FGF2: variants seen among roughly 807,000 people sequenced by gnomAD.
FGF2 encodes fibroblast growth factor 2.
Under a neutral mutation model 15.9 loss-of-function variants are expected in FGF2, and 13 were observed. The ratio of observed to expected loss-of-function variants is 0.82; its 90% confidence interval spans 0.53 to 1.30. FGF2 has a LOEUF of 1.30. Ranked by LOEUF, FGF2 falls within the 50% of genes most tolerant of loss-of-function variation. The probability of loss-of-function intolerance (pLI) is 0.00; values close to 1 mark genes in which losing one functional copy is unlikely to be tolerated. For missense variants in FGF2, 163 were observed against 196.9 expected (o/e 0.83, Z 1.03); for synonymous variants, 90 against 78.4 (o/e 1.15, Z -0.78).
chr4:122,867,387 A>G (rs72672994), intron 1 of FGF2, among the ~76,000 whole-genome samples: 3,265 of 152,364 alleles, frequency 0.021, 59 homozygotes, highest in Non-Finnish European at 0.035. Flanking sequence ...ACTTAGTATT[A>G]TGGTGTCTTT....
chr4:122,856,988 G>A (rs937133838), intron 1 of FGF2, among the ~76,000 whole-genome samples: 3 of 152,212 alleles, frequency 2.0e-5, no homozygotes, highest in African/African-American at 4.8e-5. Flanking sequence ...GGGTTGATGC[G>A]TTTTGTAGGT....
At chr4:122,853,771 C>T (rs1473944659) in intron 1 of FGF2, among the ~76,000 whole-genome samples, 2 of 152,158 alleles carry the variant, frequency 1.3e-5, no homozygotes, top group African/African-American at 4.8e-5. Context: ...ATGAGTGCTT[C>T]ATAAATGCTT....
At chr4:122,832,226 A>C (rs866561486) in intron 1 of FGF2, among the ~76,000 whole-genome samples, 1 of 152,178 alleles carries the variant, frequency 6.6e-6, no homozygotes, top group South Asian at 2.1e-4. Context: ...AAACGGAGCA[A>C]GGCAAATCTG....
chr4:122,840,066 TG>T (rs1276902347), intron 1 of FGF2, among the ~76,000 whole-genome samples: 3 of 152,132 alleles, frequency 2.0e-5, no homozygotes, highest in Non-Finnish European at 4.4e-5. Context: ...TCAGATTGGA[TG>T]GGGGCTCACC....
intron 1 of FGF2, among the ~76,000 whole-genome samples, chr4:122,844,626 CCTTTCTTCCTTT>C (rs1726071172): frequency 8.5e-6 from 1 of 117,944 alleles, no homozygotes; most frequent in Non-Finnish European, 1.8e-5. Flanking sequence ...TTTCTTTCTT[CCTTTCTTCCTTT>C]CTTTCTTTCT....
In FGF2 at chr4:122,892,879, G is replaced by A; in HGVS notation, c.*483G>A. ...AATTCTCTGGCAGTTCCTTATGATA[G>A]AGTTTATAAAACAGTCCTGTGTAAA... is the stretch of plus-strand genomic sequence containing the variant. On this transcript the variant is annotated 3_prime_UTR_variant, in exon 3 of 3. Transcript: ENST00000644866. 6.2e-7 allele frequency: 1 copy of A among 1,611,646 alleles called. No homozygotes were observed. The highest frequency in any genetic ancestry group is 1.1e-5 in the South Asian group (1 of 90,578).
Position 122,892,858 on chromosome 4 carries a change from C to T in FGF2, c.*462C>T. On this transcript the variant is annotated 3_prime_UTR_variant, in exon 3 of 3. Transcript: ENST00000644866. ...CAATTCCTTTCATAGTTTTATAATT[C>T]TCTGGCAGTTCCTTATGATAGAGTT... 6.2e-7 allele frequency: 1 copy of T among 1,607,450 alleles called. No individual in the cohort carries two copies. Among genetic ancestry groups the T allele is most frequent in the East Asian group, 2.2e-5 (1 of 44,868 alleles).
At chr4:122,835,155 T>C (rs1725838096) in intron 1 of FGF2, among the ~76,000 whole-genome samples, 1 of 152,208 alleles carries the variant, frequency 6.6e-6, no homozygotes, top group Non-Finnish European at 1.5e-5. Context: ...TCCTATCCCA[T>C]GAGCTGTGGA....
At position 122,851,544 on chromosome 4, in the gene FGF2, G is replaced by A. The variant is rs150924054; in HGVS notation, c.178+24192G>A. On this transcript the variant is annotated intron_variant, in intron 1 of 2. Transcript: ENST00000644866. Reference sequence around the variant, plus strand: ...CATGTGAAGCTAAATTCTGTTAGCCGAAATATGGCTTAAATGTGGCTCTAG... The same window carrying A: ...CATGTGAAGCTAAATTCTGTTAGCCAAAATATGGCTTAAATGTGGCTCTAG... 6.8e-4 allele frequency among the ~76,000 whole-genome samples: 103 copies of A among 152,298 alleles called. 1 individual carries two copies. The highest frequency in any genetic ancestry group is 2.3e-3 in the African/African-American group (97 of 41,550).
At chr4:122,853,633 ACTGT>A (rs1726278780) in intron 1 of FGF2, among the ~76,000 whole-genome samples, 1 of 135,464 alleles carries the variant, frequency 7.4e-6, no homozygotes, top group African/African-American at 3.5e-5. Context: ...AACATCTTGA[ACTGT>A]CTTTTGTTCA....
rs936421871 is a variant in FGF2, at chr4:122,878,870, G to A, written c.282+2446G>A. The stretch of plus-strand genomic sequence containing the variant: ...TGCTGGTTTGGGTGAGAAGGTAGAC[G>A]AGAAAGGGGAAGGAAGAAAAGAGCA... On this transcript the variant is annotated intron_variant, in intron 2 of 2. Transcript: ENST00000644866. 3.3e-5 allele frequency among the ~76,000 whole-genome samples: 5 copies of A among 152,152 alleles called. No homozygotes were observed. In the East Asian group the frequency reaches 5.8e-4, roughly 18 times the overall value.
chr4:122,857,591 G>T (rs536511249), intron 1 of FGF2, among the ~76,000 whole-genome samples: 1 of 152,252 alleles, frequency 6.6e-6, no homozygotes, highest in Non-Finnish European at 1.5e-5. Flanking sequence ...CAGCTATTTG[G>T]GCATTGTGTT....
Position 122,826,878 on chromosome 4 carries a change from G to A in FGF2, c.-297G>A, listed in dbSNP as rs1466037704. 1 of 1,525,734 alleles carries A rather than the reference G, an allele frequency of 6.6e-7. No homozygotes were observed. The highest frequency in any genetic ancestry group is 8.8e-7 in the Non-Finnish European group (1 of 1,139,314). 94.5% of individuals were successfully genotyped at this position (1,525,734 alleles called of 1,614,324 possible). A position where few individuals can be genotyped will look rare whatever the true frequency, so the allele number is the denominator to read the frequency against. ...CCGCGGTTGCAACGGGATCCCGGGC[G>A]CTGCAGCTTGGGAGGCGGCTCTCCC... is the stretch of plus-strand genomic sequence containing the variant. On this transcript the variant is annotated 5_prime_UTR_variant, in exon 1 of 3. Transcript: ENST00000644866.
upstream of FGF2, chr4:122,826,812 A>T (rs1486411520): frequency 6.9e-7 from 1 of 1,448,018 alleles, no homozygotes; most frequent in Non-Finnish European, 9.2e-7. Context: ...AGAAGATGTG[A>T]CGCCGCGGCC....
intron 1 of FGF2, among the ~76,000 whole-genome samples, chr4:122,831,463 G>T (rs899011312): frequency 6.6e-6 from 1 of 152,028 alleles, no homozygotes; most frequent in Non-Finnish European, 1.5e-5. Context: ...AATAATACAC[G>T]TACTAGATTC....
At chr4:122,884,956 C>T (rs1727028301) in intron 2 of FGF2, among the ~76,000 whole-genome samples, 1 of 152,044 alleles carries the variant, frequency 6.6e-6, no homozygotes, top group African/African-American at 2.4e-5. Context: ...GAAAGTGATG[C>T]CTAGAGAAGT....
chr4:122,833,644 C>T (rs1485742763), intron 1 of FGF2, among the ~76,000 whole-genome samples: 1 of 152,066 alleles, frequency 6.6e-6, no homozygotes, highest in Non-Finnish European at 1.5e-5. Context: ...GTACTTTTTA[C>T]TCAGAGAGTG....
intron 2 of FGF2, among the ~76,000 whole-genome samples, chr4:122,880,169 G>A (rs949954236): frequency 3.3e-5 from 5 of 152,172 alleles, no homozygotes; most frequent in South Asian, 4.2e-4. Context: ...TACAGCCATC[G>A]CAGATGGGAG....
intron 1 of FGF2, among the ~76,000 whole-genome samples, chr4:122,864,347 G>GAAACCCCGAC (rs1726530126): frequency 6.6e-6 from 1 of 152,208 alleles, no homozygotes; most frequent in African/African-American, 2.4e-5. Context: ...TCTGTTGTGT[G>GAAACCCCGAC]TCGGGCAGTG....
Sources: allele counts gnomAD v4.1 joint callset (sites outside exome capture counted in the v4.1 genomes callset), GRCh38; gene constraint gnomAD v4.1.1; transcripts MANE v1.5; gene names NCBI Gene and HGNC (gene_info 2026-07-23, HGNC 2026-07-21).